The following MMP26 variants were observed in gnomAD, a reference collection of about 807,000 sequenced individuals.
MMP26 encodes matrix metalloproteinase-26.
In MMP26, 33 loss-of-function variants were observed where a neutral mutation model predicts 31.0. That is an observed-to-expected ratio of 1.06 (90% CI 0.81 to 1.42). MMP26 has a LOEUF of 1.42. Ranked by LOEUF, MMP26 falls within the 40% of genes most tolerant of loss-of-function variation. MMP26 has a pLI of 0.00. For missense variants in MMP26, 347 were observed against 316.1 expected (o/e 1.10, Z -0.74); for synonymous variants, 122 against 114.9 (o/e 1.06, Z -0.40).
At chr11:4,711,298 T>C (rs1847859220) in intron 1 of MMP26, 1 of 152,200 alleles carries the variant, frequency 6.6e-6, no homozygotes. Context: ...GTATACAAAG[T>C]ACTTACTTGT....
chr11:4,888,764 C>G (rs1021772121), intron 2 of MMP26, among the ~76,000 whole-genome samples: 6 of 152,120 alleles, frequency 3.9e-5, no homozygotes, highest in Non-Finnish European at 7.4e-5. Context: ...AAGGAAGGTG[C>G]AAAGGGAGAG....
chr11:4,737,274 T>C (rs980600161), intron 1 of MMP26, among the ~76,000 whole-genome samples: 1 of 152,212 alleles, frequency 6.6e-6, no homozygotes, highest in Non-Finnish European at 1.5e-5. Context: ...GATATTTTTT[T>C]CCCTGCTGAG....
intron 2 of MMP26, among the ~76,000 whole-genome samples, chr11:4,812,441 G>T (rs184015936): frequency 1.1e-4 from 17 of 152,278 alleles, no homozygotes; most frequent in African/African-American, 3.8e-4. Flanking sequence ...GACAGCCACA[G>T]TAGAACGCGT....
intron 2 of MMP26, among the ~76,000 whole-genome samples, chr11:4,836,765 T>C (rs1589915616): frequency 6.7e-6 from 1 of 148,972 alleles, no homozygotes; most frequent in Admixed American, 6.8e-5. Context: ...GTTCAAGCGA[T>C]TTTCCTGCCT....
chr11:4,719,682 T>C (rs1847985204), intron 1 of MMP26: 1 of 152,208 alleles, frequency 6.6e-6, no homozygotes, highest in South Asian at 2.1e-4. Flanking sequence ...ACAACTTAGT[T>C]TGAAGTAAGA....
chr11:4,848,668 C>G (rs2133497640), intron 2 of MMP26: 4 of 1,613,872 alleles, frequency 2.5e-6, no homozygotes. Flanking sequence ...TGGGTTAGGA[C>G]CTGTGGGAGG....
At chr11:4,861,901 T>C (rs1850166181) in intron 2 of MMP26, among the ~76,000 whole-genome samples, 1 of 152,122 alleles carries the variant, frequency 6.6e-6, no homozygotes, top group Non-Finnish European at 1.5e-5. Context: ...CTCTAAATCC[T>C]TATCTTAGCC....
At chr11:4,899,553 G>A (rs184775616) in intron 2 of MMP26, among the ~76,000 whole-genome samples, 5 of 152,210 alleles carry the variant, frequency 3.3e-5, no homozygotes, top group Admixed American at 2.0e-4. Context: ...TCAGGCTAAG[G>A]CTATTTCACT....
At chr11:4,814,863 G>A (rs1474315184) in intron 2 of MMP26, among the ~76,000 whole-genome samples, 1 of 152,078 alleles carries the variant, frequency 6.6e-6, no homozygotes, top group Non-Finnish European at 1.5e-5. Context: ...TCTGAGACAG[G>A]TCTCAATCAA....
chr11:4,989,498 C>A, intron 3 of MMP26, 150 bp from the exon 4 acceptor site: 1 of 593,454 alleles, frequency 1.7e-6, no homozygotes, highest in Non-Finnish European at 3.0e-6. Flanking sequence ...TCAGGGATGG[C>A]TGCCATCATC....
intron 2 of MMP26, among the ~76,000 whole-genome samples, chr11:4,930,582 A>G (rs1051705046): frequency 6.6e-6 from 1 of 152,076 alleles, no homozygotes; most frequent in African/African-American, 2.4e-5. Flanking sequence ...ACACATATAA[A>G]GACTTTGCCT....
chr11:4,987,751 T>G (rs542877128), intron 2 of MMP26, among the ~76,000 whole-genome samples: 2 of 152,352 alleles, frequency 1.3e-5, no homozygotes, highest in African/African-American at 4.8e-5. Context: ...GATCTGGATC[T>G]TTATTACAGC....
At chr11:4,755,536 A>G (rs150098027) in intron 1 of MMP26, among the ~76,000 whole-genome samples, 11 of 152,202 alleles carry the variant, frequency 7.2e-5, no homozygotes, top group Non-Finnish European at 1.3e-4. Flanking sequence ...GTAGCCAAAA[A>G]TAATGGTATA....
At chr11:4,910,913 A>G (rs778552125) in intron 2 of MMP26, among the ~76,000 whole-genome samples, 3 of 152,176 alleles carry the variant, frequency 2.0e-5, no homozygotes, top group African/African-American at 4.8e-5. Flanking sequence ...TAATATGTCA[A>G]TCATATCCAA....
intron 2 of MMP26, chr11:4,882,425 C>A (rs774889815): frequency 2.5e-6 from 4 of 1,613,940 alleles, no homozygotes; most frequent in Non-Finnish European, 2.5e-6. Context: ...GGGTCACGAG[C>A]TTTCCCATCC....
At chr11:4,977,038 A>G (rs938139450) in intron 2 of MMP26, among the ~76,000 whole-genome samples, 3 of 152,006 alleles carry the variant, frequency 2.0e-5, no homozygotes, top group African/African-American at 7.3e-5. Flanking sequence ...GCCAGTCTAT[A>G]TACCCTTTGT....
At chr11:4,901,149 CTTTTTTTTTTTT>C (rs55678976) in intron 2 of MMP26, among the ~76,000 whole-genome samples, 7 of 84,506 alleles carry the variant, frequency 8.3e-5, no homozygotes, top group Admixed American at 4.5e-4. Context: ...CCTCTTTGTG[CTTTTTTTTTTTT>C]TTTTTTTTTT....
chr11:4,811,104 G>T (rs533260259), intron 2 of MMP26, among the ~76,000 whole-genome samples: 10 of 152,216 alleles, frequency 6.6e-5, no homozygotes, highest in African/African-American at 2.2e-4. Flanking sequence ...GAGAGTCCAG[G>T]TATACAGGAA....
chr11:4,881,575 A>G (rs1439154429), intron 2 of MMP26, among the ~76,000 whole-genome samples: 2 of 152,130 alleles, frequency 1.3e-5, no homozygotes, highest in African/African-American at 4.8e-5. Context: ...GATATTAAAA[A>G]ATTGTATTTT....
Sources: allele counts gnomAD v4.1 joint callset (sites outside exome capture counted in the v4.1 genomes callset), GRCh38; gene constraint gnomAD v4.1.1; transcripts MANE v1.5; gene names NCBI Gene and HGNC (gene_info 2026-07-23, HGNC 2026-07-21).